TMPO: variants seen among roughly 807,000 people sequenced by gnomAD.
TMPO encodes thymopoietin.
In TMPO, 22 loss-of-function variants were observed where a neutral mutation model predicts 45.4. The ratio of observed to expected loss-of-function variants is 0.48; its 90% CI spans 0.35 to 0.69. The LOEUF is 0.69. TMPO is among the 30% of genes least tolerant of loss of function. The probability of loss-of-function intolerance (pLI) is 0.01; values close to 1 mark genes in which losing one functional copy is unlikely to be tolerated. For missense variants in TMPO, 512 were observed against 548.8 expected (o/e 0.93, Z 0.67); for synonymous variants, 241 against 204.1 (o/e 1.18, Z -1.54).
intron 6 of TMPO, 114 bp from the exon 7 acceptor site, chr12:98,544,837 T>A (rs1878125135): frequency 2.2e-6 from 2 of 904,106 alleles, no homozygotes; most frequent in Non-Finnish European, 3.6e-6. Flanking sequence ...GTTGCTTAAA[T>A]CTTTACTAAG....
chr12:98,518,212 A>G (rs543954806), intron 1 of TMPO, among the ~76,000 whole-genome samples: 7 of 151,890 alleles, frequency 4.6e-5, no homozygotes, highest in South Asian at 2.1e-4. Context: ...TAAAAAACCT[A>G]ATTTTCTATA....
intron 2 of TMPO, among the ~76,000 whole-genome samples, chr12:98,531,073 G>A (rs1877156357): frequency 6.6e-6 from 1 of 151,950 alleles, no homozygotes; most frequent in South Asian, 2.1e-4. Flanking sequence ...TGAGTGGCTG[G>A]GATTACAGGC....
chr12:98,543,539 G>A (rs1222718684), intron 4 of TMPO, among the ~76,000 whole-genome samples: 1 of 152,188 alleles, frequency 6.6e-6, no homozygotes, highest in Non-Finnish European at 1.5e-5. Context: ...ATTAATCTGA[G>A]ACTGAGAATT....
intron 1 of TMPO, among the ~76,000 whole-genome samples, chr12:98,522,455 A>G (rs528718987): frequency 1.3e-5 from 2 of 152,334 alleles, no homozygotes; most frequent in East Asian, 3.9e-4. Flanking sequence ...TGTGAATAAT[A>G]GAGTTATAGA....
At position 98,532,054 on chromosome 12, in the gene TMPO, G is replaced by A. The variant is rs1877231040; in HGVS notation, c.565+216G>A. 8.1e-6 allele frequency: 4 copies of A among 494,064 alleles called. No homozygotes were observed. In the East Asian group the frequency reaches 1.5e-4, roughly 18 times the overall value. 30.6% of individuals were successfully genotyped at this position (494,064 alleles called of 1,614,324 possible). ...TCATAATTTTCCATCACCTGAAATT[G>A]CAAGTTAACTTTGTCTTTTTTGCTA... On this transcript the variant is annotated intron_variant, in intron 3 of 8. Transcript: ENST00000556029.
At chr12:98,546,483 C>T in intron 8 of TMPO, 36 bp downstream of exon 8, 1 of 1,347,044 alleles carries the variant, frequency 7.4e-7, no homozygotes, top group Non-Finnish European at 1.1e-6. Flanking sequence ...CTAGTGTATT[C>T]TAGTAGGGAA....
chr12:98,520,272 C>CCCTT (rs372564327), intron 1 of TMPO, among the ~76,000 whole-genome samples: 4,502 of 107,224 alleles, frequency 0.042, 127 homozygotes, highest in East Asian at 0.14. Context: ...CCATATTTTT[C>CCCTT]CCTTCCTTCC....
At chr12:98,535,612 A>G in intron 3 of TMPO, 3 of 985,424 alleles carry the variant, frequency 3.0e-6, no homozygotes, top group Non-Finnish European at 3.6e-6. Flanking sequence ...CAAATTCAAT[A>G]AAGTTGTTAA....
chr12:98,533,322 T>TA lies in TMPO; in HGVS notation c.565+1488dup. Reference sequence around the variant, plus strand: ...TTTCAGATCAATCGCCTCTCTCCAGTAAAAGGAAAGCACTAGAAGAGTCTG... The same window carrying TA: ...TTTCAGATCAATCGCCTCTCTCCAGTAAAAAGGAAAGCACTAGAAGAGTCTG... On this transcript the variant is annotated intron_variant, in intron 3 of 8. Transcript: ENST00000556029. The TA allele has an allele frequency of 6.2e-7, 1 of 1,614,090 alleles. No homozygotes were observed. The highest frequency in any genetic ancestry group is 8.5e-7 in the Non-Finnish European group (1 of 1,180,006).
intron 1 of TMPO, among the ~76,000 whole-genome samples, chr12:98,518,250 A>T (rs4394881): frequency 0.56 from 85,579 of 151,886 alleles, 24,436 homozygotes; most frequent in African/African-American, 0.63. Context: ...TCTGTGCAAA[A>T]GTATTAAACC....
chr12:98,537,410 T>C (rs1208429002), intron 3 of TMPO, 65 bp from the exon 4 acceptor site: 2 of 1,362,790 alleles, frequency 1.5e-6, no homozygotes, highest in Non-Finnish European at 2.1e-6. Flanking sequence ...CCGATTAATA[T>C]TAGGATAACA....
intron 3 of TMPO, chr12:98,535,345 T>C (rs1033651543): frequency 1.0e-6 from 1 of 984,882 alleles, no homozygotes; most frequent in Admixed American, 6.1e-5. Context: ...CAGTGTATTA[T>C]CATGTTTTCA....
intron 1 of TMPO, among the ~76,000 whole-genome samples, chr12:98,518,754 C>G (rs1876095519): frequency 1.3e-5 from 2 of 152,032 alleles, no homozygotes; most frequent in African/African-American, 4.8e-5. Flanking sequence ...GAGTTCCTAC[C>G]AAGTGTTCTT....
chr12:98,545,643 A>G (rs545824160), intron 7 of TMPO, among the ~76,000 whole-genome samples: 30 of 152,354 alleles, frequency 2.0e-4, no homozygotes, highest in African/African-American at 4.8e-4. Flanking sequence ...CTATAATTTT[A>G]AAACATATAG....
chr12:98,535,674 T>C (rs1405185028), intron 3 of TMPO: 1 of 985,324 alleles, frequency 1.0e-6, no homozygotes, highest in Non-Finnish European at 1.2e-6. Context: ...GTGTGCTTTA[T>C]TCTTGGAGTT....
intron 7 of TMPO, among the ~76,000 whole-genome samples, chr12:98,545,873 C>T (rs985477301): frequency 1.1e-4 from 17 of 152,050 alleles, no homozygotes; most frequent in African/African-American, 3.4e-4. Flanking sequence ...GCTGGGATTA[C>T]GGGTGCCCGC....
intron 1 of TMPO, chr12:98,527,566 C>T: frequency 4.6e-6 from 1 of 218,490 alleles, no homozygotes; most frequent in Non-Finnish European, 9.0e-6. Context: ...AAAATGTTAC[C>T]CAAAGTCAGT....
chr12:98,519,760 A>G (rs949468023), intron 1 of TMPO, among the ~76,000 whole-genome samples: 1 of 152,160 alleles, frequency 6.6e-6, no homozygotes, highest in Non-Finnish European at 1.5e-5. Flanking sequence ...GTGAGTTATA[A>G]TTAGGAGTCT....
chr12:98,522,501 C>T (rs375968209), intron 1 of TMPO, among the ~76,000 whole-genome samples: 1 of 152,180 alleles, frequency 6.6e-6, no homozygotes, highest in Non-Finnish European at 1.5e-5. Context: ...TCATATGACA[C>T]TGAACAGTGT....
Sources: allele counts gnomAD v4.1 joint callset (sites outside exome capture counted in the v4.1 genomes callset), GRCh38; gene constraint gnomAD v4.1.1; transcripts MANE v1.5; gene names NCBI Gene and HGNC (gene_info 2026-07-23, HGNC 2026-07-21).